The following GLIPR1 variants were observed in gnomAD, a reference collection of about 807,000 sequenced individuals.
The protein encoded by GLIPR1 is glioma pathogenesis-related protein 1.
Under a neutral mutation model 30.3 loss-of-function variants are expected in GLIPR1, and 38 were observed. That is an observed-to-expected ratio of 1.26 (90% CI 0.97 to 1.65). The LOEUF (loss-of-function observed/expected upper bound fraction) is 1.65. GLIPR1 is among the 40% of genes most tolerant of loss of function. The pLI is 0.00. For missense variants in GLIPR1, 285 were observed against 326.5 expected (o/e 0.87, Z 0.98); for synonymous variants, 122 against 110.6 (o/e 1.10, Z -0.65).
At position 75,502,713 on chromosome 12, in the gene GLIPR1, TAATG is replaced by T. The variant is rs1258825404; in HGVS notation, c.*3739_*3742del. 2.6e-5 allele frequency: 4 copies of T among 152,048 alleles called. No homozygotes were observed. The highest frequency in any genetic ancestry group is 2.0e-4 in the Admixed American group (3 of 15,218). 9.4% of individuals were successfully genotyped at this position (152,048 alleles called of 1,614,324 possible). ...GGGATAAATAACTCGCCCAGTCACATAATGAATTAAGTGTTAAGAACAAGTCAAT... is the reference window on the plus strand; with the variant it reads ...GGGATAAATAACTCGCCCAGTCACATAATTAAGTGTTAAGAACAAGTCAAT... On this transcript the variant is annotated 3_prime_UTR_variant, in exon 6 of 6. Transcript: ENST00000266659.
chr12:75,482,352 G>A (rs2046275222), intron 2 of GLIPR1, among the ~76,000 whole-genome samples: 1 of 152,170 alleles, frequency 6.6e-6, no homozygotes, highest in Admixed American at 6.5e-5. Flanking sequence ...TTCCATTTGT[G>A]AGAAATCAAA....
chr12:75,487,894 G>T (rs1594056764), intron 2 of GLIPR1: 1 of 357,310 alleles, frequency 2.8e-6, no homozygotes, highest in Non-Finnish European at 5.7e-6. Context: ...AGTCCTGAGG[G>T]CTGCTGGTTG....
chr12:75,498,441 G>A, intron 4 of GLIPR1: 1 of 358,470 alleles, frequency 2.8e-6, no homozygotes. Context: ...TGTGTAAAAT[G>A]ATTTTCCATT....
chr12:75,491,717 C>T (rs1015317287), intron 3 of GLIPR1: 3 of 152,138 alleles, frequency 2.0e-5, no homozygotes, highest in Non-Finnish European at 4.4e-5. Flanking sequence ...AATTTCTTCA[C>T]ATAATTGTCT....
intron 2 of GLIPR1, among the ~76,000 whole-genome samples, chr12:75,485,902 C>T (rs1305121888): frequency 6.6e-6 from 1 of 151,936 alleles, no homozygotes; most frequent in Non-Finnish European, 1.5e-5. Context: ...ACCATACTCC[C>T]GATAATGAAC....
In GLIPR1 at chr12:75,490,492, A is replaced by G. The variant is rs2046315664; in HGVS notation, c.507A>G (p.Ala169=). The G allele has an allele frequency of 1.2e-5, 19 of 1,521,890 alleles. No individual in the cohort carries two copies. The East Asian group carries it at 5.0e-4, about 40-fold the overall frequency. The allele number at this position is 1,521,890 out of a possible 1,614,324, so 94.3% of individuals were successfully genotyped here. Residue 169 remains alanine (A), a synonymous_variant, in exon 3 of 6, where the codon GCA becomes GCG. Coordinates refer to ENST00000266659, the MANE Select transcript of GLIPR1 (RefSeq NM_006851.3). ...GCTTTGACGCTCTTTCCAATGGAGC[A>G]CATTTTATATGCAACTACGGACCAG... ...VSGFDALSNG[A]HFICNYGPGG... is the part of the protein sequence containing the mutation.
chr12:75,490,211 AC>A (rs2046313659), intron 2 of GLIPR1, among the ~76,000 whole-genome samples, 194 bp from the exon 3 acceptor site: 1 of 149,950 alleles, frequency 6.7e-6, no homozygotes, highest in Non-Finnish European at 1.5e-5. Flanking sequence ...ACACACACAC[AC>A]ACACACACAC....
chr12:75,481,003 T>C lies in GLIPR1; in HGVS notation c.123T>C (p.His41=). Residue 41 remains histidine, a synonymous_variant, in exon 1 of 6, where the codon CAT becomes CAC. Coordinates refer to ENST00000266659, the MANE Select transcript of GLIPR1 (RefSeq NM_006851.3). ...EDFIKDCVRI[H]NKFRSEVKPT... ...TCATCAAAGACTGCGTTCGAATCCA[T>C]AACAAGTTCCGATCAGAGGTGAAAC... The C allele has an allele frequency of 6.2e-7, 1 of 1,613,982 alleles. No homozygotes were observed.
chr12:75,484,611 G>C (rs561453582), intron 2 of GLIPR1: 2 of 152,326 alleles, frequency 1.3e-5, no homozygotes, highest in East Asian at 1.9e-4. Context: ...AGTCAATGAA[G>C]GGAGATGGGG....
chr12:75,497,903 AAT>A (rs1491529868), intron 4 of GLIPR1: 1 of 152,152 alleles, frequency 6.6e-6, no homozygotes, highest in Non-Finnish European at 1.5e-5. Context: ...TATAAAAAAA[AAT>A]AACTAGAACA....
rs1594065295 is a variant in GLIPR1, at chr12:75,500,116, C to T, written c.*1138C>T. Reference sequence around the variant, plus strand: ...ACAGTATAAAATATAAAAACACTTGCCTAAAGCAGTTAGAAATTTCTTCAG... The same window carrying T: ...ACAGTATAAAATATAAAAACACTTGTCTAAAGCAGTTAGAAATTTCTTCAG... On this transcript the variant is annotated 3_prime_UTR_variant, in exon 6 of 6. Coordinates refer to ENST00000266659, the MANE Select transcript of GLIPR1 (RefSeq NM_006851.3). The T allele has an allele frequency of 4.2e-6, 2 of 481,894 alleles. No individual in the cohort carries two copies. The highest frequency in any genetic ancestry group is 7.0e-6 in the Non-Finnish European group (2 of 287,200). The allele number at this position is 481,894 out of a possible 1,614,324, so 29.9% of individuals were successfully genotyped here.
Position 75,501,673 on chromosome 12 carries a change from G to C in GLIPR1, c.*2695G>C. The C allele has an allele frequency of 1.7e-6, 2 of 1,179,390 alleles. No individual in the cohort carries two copies. The highest frequency in any genetic ancestry group is 1.3e-5 in the South Asian group (1 of 76,888). 73.1% of individuals were successfully genotyped at this position (1,179,390 alleles called of 1,614,324 possible). A position where few individuals can be genotyped will look rare whatever the true frequency, so the allele number is the denominator to read the frequency against. On this transcript the variant is annotated 3_prime_UTR_variant, in exon 6 of 6. Coordinates refer to ENST00000266659, the MANE Select transcript of GLIPR1 (RefSeq NM_006851.3). ...AAAAGATTCAGACAAATTTATTATG[G>C]GTTTACTTTTCCTAATTAATAAAGA...
chr12:75,499,073 C>T lies in GLIPR1; in HGVS notation c.*95C>T. ...AATTAGGTGTACTTCTATTTTAAAA[C>T]ATTTCAGAAAAAAATATATGTTATA... On this transcript the variant is annotated 3_prime_UTR_variant, in exon 6 of 6. Transcript: ENST00000266659. 4.0e-6 allele frequency: 3 copies of T among 746,726 alleles called. No individual in the cohort carries two copies. Among genetic ancestry groups the T allele is most frequent in the Middle Eastern group, 4.0e-4 (1 of 2,474 alleles). The allele number at this position is 746,726 out of a possible 1,614,324, so 46.3% of individuals were successfully genotyped here.
At position 75,500,003 on chromosome 12, in the gene GLIPR1, AAACAAAGAATATATGTTT is replaced by A. The variant is rs769087617; in HGVS notation, c.*1046_*1063del. On this transcript the variant is annotated 3_prime_UTR_variant, in exon 6 of 6. Transcript: ENST00000266659. Reference sequence around the variant, plus strand: ...GTAATACTTTAGATTTTACCAAGTAAAACAAAGAATATATGTTTAACAAAGAATATATGTTTAAGGCAG... The same window carrying A: ...GTAATACTTTAGATTTTACCAAGTAAAACAAAGAATATATGTTTAAGGCAG... The A allele has an allele frequency of 3.0e-5, 42 of 1,399,700 alleles. No individual in the cohort carries two copies. The highest frequency in any genetic ancestry group is 1.3e-4 in the South Asian group (10 of 76,830). The allele number at this position is 1,399,700 out of a possible 1,614,324, so 86.7% of individuals were successfully genotyped here.
chr12:75,498,929 T>C lies in GLIPR1; in HGVS notation c.752T>C (p.Ile251Thr), dbSNP rs779492689. ...GTAATTCTAATACTGTCTGTTATAA[T>C]TACCATTTTGGTACAGCACAAGTAC... is the stretch of plus-strand genomic sequence containing the variant. ...NSVILILSVI[I>T]TILVQHKYPN... The change falls in exon 6 of 6, where the codon ATT becomes ACT. Residue 251 changes from isoleucine (I) to threonine (T), a missense_variant. Ile to Thr is a moderately conservative substitution (Grantham distance 89). Transcript: ENST00000266659. 1 of 1,609,360 alleles carries C rather than the reference T, an allele frequency of 6.2e-7. No individual in the cohort carries two copies. Among genetic ancestry groups the C allele is most frequent in the Non-Finnish European group, 8.5e-7 (1 of 1,176,532 alleles).
At position 75,499,486 on chromosome 12, in the gene GLIPR1, C is replaced by G. The variant is rs2046375054; in HGVS notation, c.*508C>G. 5.9e-6 allele frequency: 1 copy of G among 170,690 alleles called. No individual in the cohort carries two copies. Among genetic ancestry groups the G allele is most frequent in the Non-Finnish European group, 1.2e-5 (1 of 81,632 alleles). 10.6% of individuals were successfully genotyped at this position (170,690 alleles called of 1,614,324 possible). A position where few individuals can be genotyped will look rare whatever the true frequency, so the allele number is the denominator to read the frequency against. On this transcript the variant is annotated 3_prime_UTR_variant, in exon 6 of 6. Transcript: ENST00000266659. ...AAACCAAACTTTCAAAAGGGATAAA[C>G]CTAAATATTTACTTGTTATCATTAG...
chr12:75,484,410 G>A (rs995194076), intron 2 of GLIPR1: 1 of 152,228 alleles, frequency 6.6e-6, no homozygotes, highest in Non-Finnish European at 1.5e-5. Context: ...CAGACTTAGA[G>A]AGGTTAATAA....
chr12:75,482,396 G>C (rs529516839), intron 2 of GLIPR1, among the ~76,000 whole-genome samples: 1 of 152,142 alleles, frequency 6.6e-6, no homozygotes, highest in South Asian at 2.1e-4. Context: ...TCAGGTTCCA[G>C]CTGTAGCATG....
intron 3 of GLIPR1, chr12:75,492,722 C>A (rs2120541826): frequency 6.6e-6 from 1 of 152,210 alleles, no homozygotes; most frequent in South Asian, 2.1e-4. Flanking sequence ...TTCAAATATT[C>A]ATTTATTCAA....
Sources: allele counts gnomAD v4.1 joint callset (sites outside exome capture counted in the v4.1 genomes callset), GRCh38; gene constraint gnomAD v4.1.1; transcripts MANE v1.5; gene names NCBI Gene and HGNC (gene_info 2026-07-23, HGNC 2026-07-21).